LRRC8B: variants seen among roughly 807,000 people sequenced by gnomAD.
LRRC8B encodes the protein leucine rich repeat containing 8 VRAC subunit B.
A neutral mutation model predicts 58.8 loss-of-function variants in LRRC8B; 23 were observed. That is an observed-to-expected ratio of 0.39 (90% CI 0.28 to 0.55). LRRC8B has a LOEUF of 0.55. Ranked by LOEUF, LRRC8B falls within the 20% of genes least tolerant of loss-of-function variation. The pLI, the probability that LRRC8B is intolerant of heterozygous loss-of-function variation, is 0.62. For synonymous variants in LRRC8B, 359 were observed against 374.1 expected (o/e 0.96, Z 0.47); for missense variants, 694 against 936.0 (o/e 0.74, Z 3.37).
chr1:89,591,789 T>C (rs962810099), intron 5 of LRRC8B, among the ~76,000 whole-genome samples: 6 of 152,204 alleles, frequency 3.9e-5, no homozygotes, highest in African/African-American at 9.7e-5. Flanking sequence ...TTTTTATCCC[T>C]GTTTCTAACA....
chr1:89,557,960 A>G (rs1236046581), intron 1 of LRRC8B, among the ~76,000 whole-genome samples: 1 of 152,146 alleles, frequency 6.6e-6, no homozygotes, highest in Non-Finnish European at 1.5e-5. Flanking sequence ...AAGTCAAGAA[A>G]ACTTCTGTAA....
rs1451816751 is a variant in LRRC8B, at chr1:89,584,369, C to G, written c.1719C>G (p.Ser573Arg). Reference protein sequence around the residue: ...LQKLSLDNEGSKLVVLNNLKK... With the variant: ...LQKLSLDNEGRKLVVLNNLKK... ...AACTGTCCCTTGATAATGAGGGAAG[C>G]AAACTGGTTGTGTTGAACAACTTGA... is the stretch of plus-strand genomic sequence containing the variant. Residue 573 changes from serine to arginine, a missense_variant, in exon 5 of 6, where the codon AGC becomes AGG. By Grantham distance (110) the Ser-to-Arg change is moderately radical. Around this residue, in one of 5 missense-constraint regions of LRRC8B, gnomAD observed 53 missense variants for 112.3 expected, o/e 0.47. Coordinates refer to ENST00000330947, the MANE Select transcript of LRRC8B (RefSeq NM_001369817.2). 1 of 1,614,106 alleles carries G rather than the reference C, an allele frequency of 6.2e-7. No homozygotes were observed.
chr1:89,564,703 A>G (rs2100982713), intron 1 of LRRC8B, among the ~76,000 whole-genome samples: 1 of 152,320 alleles, frequency 6.6e-6, no homozygotes, highest in South Asian at 2.1e-4. Flanking sequence ...GCAGGAAGGC[A>G]TCAAATCAGA....
At chr1:89,562,747 G>A (rs1652776521) in intron 1 of LRRC8B, among the ~76,000 whole-genome samples, 1 of 152,114 alleles carries the variant, frequency 6.6e-6, no homozygotes, top group South Asian at 2.1e-4. Flanking sequence ...TGGGATTACA[G>A]GCATGAGCCA....
chr1:89,560,322 A>G (rs1167309101), intron 1 of LRRC8B, among the ~76,000 whole-genome samples: 1 of 152,128 alleles, frequency 6.6e-6, no homozygotes, highest in Non-Finnish European at 1.5e-5. Flanking sequence ...GTGCAGAGGC[A>G]GAGCAGCTGT....
In LRRC8B at chr1:89,589,303, A is replaced by G. The variant is rs369634851; in HGVS notation, c.2140-3468A>G. On this transcript the variant is annotated intron_variant, in intron 5 of 5. Coordinates refer to ENST00000330947, the MANE Select transcript of LRRC8B (RefSeq NM_001369817.2). ...CAAACATTCTGATTTCTACTCTACT[A>G]TTCTTCTACTGTGTCTCCTATGCAT... Among the ~76,000 whole-genome samples the G allele has an allele frequency of 2.6e-3, 390 of 152,266 alleles. 3 individuals carry two copies. Among genetic ancestry groups the G allele is most frequent in the African/African-American group, 8.5e-3 (355 of 41,542 alleles).
At chr1:89,536,399 A>G (rs1486936699) in intron 1 of LRRC8B, among the ~76,000 whole-genome samples, 1 of 152,222 alleles carries the variant, frequency 6.6e-6, no homozygotes, top group African/African-American at 2.4e-5. Flanking sequence ...GGATTGGGAA[A>G]CTTGCCTTAA....
chr1:89,540,420 C>CTGT (rs1207995090), intron 1 of LRRC8B, among the ~76,000 whole-genome samples: 4 of 152,156 alleles, frequency 2.6e-5, no homozygotes, highest in African/African-American at 9.7e-5. Context: ...ATTTTGTTAT[C>CTGT]TGTTGTAATG....
rs1649516873 is a variant in LRRC8B, at chr1:89,524,857, A to AT, written c.-405dup. On this transcript the variant is annotated 5_prime_UTR_variant, in exon 1 of 6. The change abolishes an upstream ATG in the 5' untranslated region. Transcript: ENST00000330947. ...GGCCAGCGGAACGCGTCGCGTCACA[A>AT]TGGAGCCGGTCGGAGGCGGCGAGCC... 1 of 151,956 alleles carries AT rather than the reference A, an allele frequency of 6.6e-6. No individual in the cohort carries two copies. Among genetic ancestry groups the AT allele is most frequent in the Non-Finnish European group, 1.5e-5 (1 of 67,958 alleles). 9.4% of individuals were successfully genotyped at this position (151,956 alleles called of 1,614,324 possible).
Position 89,583,014 on chromosome 1 carries a change from C to A in LRRC8B, c.364C>A (p.Pro122Thr). Residue 122 changes from proline (P) to threonine (T), a missense_variant, in exon 5 of 6, where the codon CCC (proline) becomes ACC (threonine). Transcript: ENST00000330947. This position sits in a 1 kb window ranked among gnomAD's most constrained non-coding sequence, Gnocchi z 5.2. ...GCTCCATTGGTTTGCAAAGTTTTTC[C>A]CCTATCTGGTGCTCTTGCACACGCT... ...KQLHWFAKFF[P>T]YLVLLHTLIF... 1 of 1,614,144 alleles carries A rather than the reference C, an allele frequency of 6.2e-7. No homozygotes were observed.
rs142923661 is a variant in LRRC8B at position 89,589,314 on chromosome 1, G to C, written c.2140-3457G>C. 2.0e-5 allele frequency among the ~76,000 whole-genome samples: 3 copies of C among 152,232 alleles called. No individual in the cohort carries two copies. The East Asian group carries it at 5.8e-4, about 29-fold the overall frequency. ...ATTTCTACTCTACTATTCTTCTACT[G>C]TGTCTCCTATGCATCAATCCAAGTG... On this transcript the variant is annotated intron_variant, in intron 5 of 5. Transcript: ENST00000330947.
chr1:89,555,589 T>C (rs557478120), intron 1 of LRRC8B, among the ~76,000 whole-genome samples: 2 of 152,254 alleles, frequency 1.3e-5, no homozygotes, highest in East Asian at 1.9e-4. Flanking sequence ...CAATTACTTA[T>C]AGGTTTGTGA....
In LRRC8B at chr1:89,592,562, GGGTA is replaced by G. The variant is rs1396229253; in HGVS notation, c.2140-207_2140-204del. On this transcript the variant is annotated intron_variant, in intron 5 of 5. Coordinates refer to ENST00000330947, the MANE Select transcript of LRRC8B (RefSeq NM_001369817.2). ...TATACAGCAAGGATGTAGGTGTCCA[GGGTA>G]GCCACAGTCCTCACTCCTCATTGTA... Among the ~76,000 whole-genome samples, 3 of 152,206 alleles carry G rather than the reference GGGTA, an allele frequency of 2.0e-5. No homozygotes were observed. The East Asian group carries it at 5.8e-4, about 29-fold the overall frequency.
intron 3 of LRRC8B, among the ~76,000 whole-genome samples, chr1:89,574,068 G>A (rs1012528742): frequency 1.8e-4 from 27 of 152,226 alleles, no homozygotes; most frequent in African/African-American, 6.5e-4. Context: ...CTATGAGGAA[G>A]CCCAATTAGC....
At chr1:89,537,404 A>T (rs1650614138) in intron 1 of LRRC8B, among the ~76,000 whole-genome samples, 1 of 152,190 alleles carries the variant, frequency 6.6e-6, no homozygotes, top group African/African-American at 2.4e-5. Context: ...GAGGTAGGAC[A>T]TTTGGAAGAT....
rs562478397 is a variant in LRRC8B at position 89,565,876 on chromosome 1, A to G, written c.-240-2371A>G. Among the ~76,000 whole-genome samples, 11 of 152,288 alleles carry G rather than the reference A, an allele frequency of 7.2e-5. No individual in the cohort carries two copies. The East Asian group carries it at 1.9e-3, about 27-fold the overall frequency. On this transcript the variant is annotated intron_variant, in intron 1 of 5. Transcript: ENST00000330947. ...TGTTCGCCGTGTTTTTAAGTGGAGT[A>G]GTGAAGCACTGTATCGAAAAAGAGT...
At position 89,562,107 on chromosome 1, in the gene LRRC8B, T is replaced by C. The variant is rs926262436; in HGVS notation, c.-240-6140T>C. ...ACCCAGTAAGTGTGTCTGCTATCAC[T>C]AAGGCCAAGGATTGCTATTACTGTC... is the stretch of plus-strand genomic sequence containing the variant. On this transcript the variant is annotated intron_variant, in intron 1 of 5. Coordinates refer to ENST00000330947, the MANE Select transcript of LRRC8B (RefSeq NM_001369817.2). 4.0e-5 allele frequency among the ~76,000 whole-genome samples: 6 copies of C among 151,334 alleles called. No homozygotes were observed. In the East Asian group the frequency reaches 5.8e-4, roughly 15 times the overall value.
chr1:89,551,535 T>C (rs1016477896), intron 1 of LRRC8B, among the ~76,000 whole-genome samples: 12 of 152,178 alleles, frequency 7.9e-5, no homozygotes, highest in Non-Finnish European at 7.3e-5. Flanking sequence ...TATAAGTGTT[T>C]TAAGGATAGA....
At chr1:89,551,415 C>G (rs970744678) in intron 1 of LRRC8B, among the ~76,000 whole-genome samples, 1 of 152,130 alleles carries the variant, frequency 6.6e-6, no homozygotes, top group Admixed American at 6.5e-5. Flanking sequence ...AAAAAATGCT[C>G]CATAAACTTT....
Sources: allele counts gnomAD v4.1 joint callset (sites outside exome capture counted in the v4.1 genomes callset), GRCh38; gene constraint gnomAD v4.1.1; regional missense constraint gnomAD v4.1.1; non-coding constraint Gnocchi (gnomAD v3.1); transcripts MANE v1.5; gene names NCBI Gene and HGNC (gene_info 2026-07-23, HGNC 2026-07-21).